The following SCGN variants were observed in gnomAD, a reference collection of about 807,000 sequenced individuals.
The protein encoded by SCGN is secretagogin, EF-hand calcium binding protein, also known as secretagogin.
Under a neutral mutation model 39.7 loss-of-function variants are expected in SCGN, and 30 were observed. That is an observed-to-expected ratio of 0.76 (90% CI 0.57 to 1.03). SCGN has a LOEUF of 1.03. SCGN is among the 50% of genes least tolerant of loss of function. SCGN has a pLI of 0.00. For synonymous variants in SCGN, 106 were observed against 114.1 expected (o/e 0.93, Z 0.45); for missense variants, 353 against 349.4 (o/e 1.01, Z -0.08).
chr6:25,689,430 T>C, intron 8 of SCGN, 43 bp from the exon 9 acceptor site: 1 of 1,562,530 alleles, frequency 6.4e-7, no homozygotes, highest in Non-Finnish European at 8.8e-7. Flanking sequence ...TACAGCTGAA[T>C]TGTCACATTG....
Position 25,698,123 on chromosome 6 carries a change from C to A in SCGN, c.703-3084C>A, listed in dbSNP as rs1759861006. Among the ~76,000 whole-genome samples the A allele has an allele frequency of 3.3e-5, 5 of 152,160 alleles. No individual in the cohort carries two copies. The South Asian group carries it at 1.0e-3, about 32-fold the overall frequency. Reference sequence around the variant, plus strand: ...GCTCTAAAGGTTTCTGGTGATTTGTCTTCAGTGACACGTGCATTTTTGAGC... The same window carrying A: ...GCTCTAAAGGTTTCTGGTGATTTGTATTCAGTGACACGTGCATTTTTGAGC... On this transcript the variant is annotated intron_variant, in intron 10 of 10. Coordinates refer to ENST00000377961, the MANE Select transcript of SCGN (RefSeq NM_006998.4).
intron 7 of SCGN, among the ~76,000 whole-genome samples, chr6:25,685,575 C>T (rs1759694151): frequency 6.6e-6 from 1 of 151,970 alleles, no homozygotes; most frequent in Non-Finnish European, 1.5e-5. Context: ...TCTACTTTTT[C>T]TATATATCCT....
At chr6:25,675,736 C>T (rs1198702343) in intron 6 of SCGN, among the ~76,000 whole-genome samples, 1 of 152,222 alleles carries the variant, frequency 6.6e-6, no homozygotes, top group Non-Finnish European at 1.5e-5. Flanking sequence ...CTGCTTCCTT[C>T]TCTGGGTCTA....
intron 3 of SCGN, 138 bp from the exon 4 acceptor site, chr6:25,664,805 C>A: frequency 3.4e-6 from 2 of 594,728 alleles, no homozygotes; most frequent in East Asian, 2.8e-5. Context: ...GAGCACAGAA[C>A]TGCAAACCGA....
At chr6:25,692,409 C>T (rs1336025153) in intron 10 of SCGN, among the ~76,000 whole-genome samples, 1 of 152,204 alleles carries the variant, frequency 6.6e-6, no homozygotes, top group African/African-American at 2.4e-5. Flanking sequence ...CAGTGACTGC[C>T]TGAGTGTAGA....
At chr6:25,669,593 G>C in intron 5 of SCGN, 26 bp downstream of exon 5, 1 of 1,600,834 alleles carries the variant, frequency 6.2e-7, no homozygotes, top group Non-Finnish European at 8.6e-7. Context: ...TGAAGGGTGG[G>C]TTTGTTTATC....
In SCGN at chr6:25,676,640, A is replaced by G. The variant is rs190226797; in HGVS notation, c.472-5311A>G. 7.5e-4 allele frequency among the ~76,000 whole-genome samples: 114 copies of G among 152,302 alleles called. 1 individual carries two copies. Among genetic ancestry groups the G allele is most frequent in the Non-Finnish European group, 7.1e-4 (48 of 68,020 alleles). ...GAGGCTTTCCATTTCCATCCTATTT[A>G]AAATTGTACCTCCCAATTTGCTATT... is the stretch of plus-strand genomic sequence containing the variant. On this transcript the variant is annotated intron_variant, in intron 6 of 10. Coordinates refer to ENST00000377961, the MANE Select transcript of SCGN (RefSeq NM_006998.4).
chr6:25,671,538 G>T (rs1759498112), intron 6 of SCGN, among the ~76,000 whole-genome samples: 1 of 152,210 alleles, frequency 6.6e-6, no homozygotes, highest in African/African-American at 2.4e-5. Context: ...CTCAGGACAG[G>T]ATCTCAATTA....
At chr6:25,681,813 A>G in intron 6 of SCGN, 138 bp from the exon 7 acceptor site, 1 of 681,446 alleles carries the variant, frequency 1.5e-6, no homozygotes, top group Middle Eastern at 2.4e-4. Context: ...GACAAATACT[A>G]ATTTTCCCCC....
At chr6:25,671,197 T>C (rs1759494599) in intron 6 of SCGN, among the ~76,000 whole-genome samples, 1 of 152,236 alleles carries the variant, frequency 6.6e-6, no homozygotes, top group Non-Finnish European at 1.5e-5. Flanking sequence ...TTCTCTACAG[T>C]GTTGCTATTG....
chr6:25,656,677 T>A (rs1004719289), intron 2 of SCGN, among the ~76,000 whole-genome samples: 2 of 152,160 alleles, frequency 1.3e-5, no homozygotes, highest in African/African-American at 4.8e-5. Context: ...TAAGGACTGA[T>A]GGGAAATTAC....
At chr6:25,664,470 A>G (rs145696874) in intron 3 of SCGN, among the ~76,000 whole-genome samples, 5 of 152,320 alleles carry the variant, frequency 3.3e-5, no homozygotes, top group Admixed American at 3.3e-4. Context: ...AATAACAGTA[A>G]TGGTATGTGT....
At chr6:25,664,841 C>T in intron 3 of SCGN, 102 bp from the exon 4 acceptor site, 1 of 737,224 alleles carries the variant, frequency 1.4e-6, no homozygotes, top group Non-Finnish European at 2.3e-6. Flanking sequence ...AGATCTGAGC[C>T]CTTCTGCCCT....
intron 10 of SCGN, among the ~76,000 whole-genome samples, chr6:25,700,462 T>C (rs891853618): frequency 6.6e-6 from 1 of 152,154 alleles, no homozygotes; most frequent in African/African-American, 2.4e-5. Context: ...AGAGGACTGT[T>C]GGACTATTCT....
chr6:25,698,866 C>T (rs1462335282), intron 10 of SCGN, among the ~76,000 whole-genome samples: 1 of 152,176 alleles, frequency 6.6e-6, no homozygotes, highest in Non-Finnish European at 1.5e-5. Flanking sequence ...TGCCATCTGG[C>T]TCCCAATTTC....
rs57183734 is a variant in SCGN, at chr6:25,666,777, T to G, written c.336+1745T>G. Among the ~76,000 whole-genome samples the G allele has an allele frequency of 9.0e-3, 1,372 of 152,290 alleles. 17 individuals carry two copies. Among genetic ancestry groups the G allele is most frequent in the African/African-American group, 0.03 (1,240 of 41,570 alleles). ...CCCTAAAGCCTGAATAAATAAAATA[T>G]AGGTAAGAATACACAAAAAATATTG... On this transcript the variant is annotated intron_variant, in intron 4 of 10. Transcript: ENST00000377961.
intron 6 of SCGN, among the ~76,000 whole-genome samples, chr6:25,672,111 C>T (rs1224825521): frequency 6.6e-6 from 1 of 152,156 alleles, no homozygotes; most frequent in Non-Finnish European, 1.5e-5. Flanking sequence ...TATCAACTTG[C>T]CCTAAAAAAA....
intron 5 of SCGN, among the ~76,000 whole-genome samples, 183 bp downstream of exon 5, chr6:25,669,750 A>G (rs946091911): frequency 1.3e-5 from 2 of 152,192 alleles, no homozygotes; most frequent in Non-Finnish European, 2.9e-5. Flanking sequence ...TGCAAGTCAC[A>G]TTGCTCTCTC....
intron 7 of SCGN, among the ~76,000 whole-genome samples, chr6:25,685,447 G>A (rs922650145): frequency 6.6e-6 from 1 of 152,146 alleles, no homozygotes; most frequent in Non-Finnish European, 1.5e-5. Context: ...CAAATACTAA[G>A]AACAATATTC....
Sources: allele counts gnomAD v4.1 joint callset (sites outside exome capture counted in the v4.1 genomes callset), GRCh38; gene constraint gnomAD v4.1.1; transcripts MANE v1.5; gene names NCBI Gene and HGNC (gene_info 2026-07-23, HGNC 2026-07-21).